ANGPTL2: variants seen among roughly 807,000 people sequenced by gnomAD.
ANGPTL2 encodes angiopoietin like 2.
Under a neutral mutation model 52.8 loss-of-function variants are expected in ANGPTL2, and 25 were observed. The observed-to-expected ratio is 0.47, with a 90% CI of 0.35 to 0.66. The LOEUF is 0.66. Among genes scored for constraint, ANGPTL2 ranks in the 30% least tolerant of loss-of-function variants. The pLI, the probability that ANGPTL2 is intolerant of heterozygous loss-of-function variation, is 0.01. For synonymous variants in ANGPTL2, 276 were observed against 277.4 expected (o/e 1.00, Z 0.05); for missense variants, 546 against 656.9 (o/e 0.83, Z 1.84).
intron 1 of ANGPTL2, among the ~76,000 whole-genome samples, chr9:127,113,774 C>G (rs1442756079): frequency 6.6e-6 from 1 of 152,232 alleles, no homozygotes; most frequent in Non-Finnish European, 1.5e-5. Context: ...GGGAGGCAGC[C>G]TCTCCAGGGC....
chr9:127,097,353 T>C (rs935760299), intron 2 of ANGPTL2, among the ~76,000 whole-genome samples: 1 of 152,282 alleles, frequency 6.6e-6, no homozygotes, highest in Admixed American at 6.5e-5. Context: ...AAATGTTTAG[T>C]ATTTTCTGCT....
intron 2 of ANGPTL2, among the ~76,000 whole-genome samples, chr9:127,100,453 C>T (rs948318793): frequency 2.6e-5 from 4 of 152,188 alleles, no homozygotes; most frequent in Admixed American, 2.0e-4. Flanking sequence ...TAGGTTTCCA[C>T]CAGCGCTGTT....
chr9:127,088,820 G>T lies in ANGPTL2; in HGVS notation c.*119C>A. 2 of 1,181,794 alleles carry T rather than the reference G, an allele frequency of 1.7e-6. No individual in the cohort carries two copies. The highest frequency in any genetic ancestry group is 1.4e-5 in the South Asian group (1 of 70,994). The allele number at this position is 1,181,794 out of a possible 1,614,324, so 73.2% of individuals were successfully genotyped here. A position where few individuals can be genotyped will look rare whatever the true frequency, so the allele number is the denominator to read the frequency against. On this transcript the variant is annotated 3_prime_UTR_variant, in exon 5 of 5. Coordinates refer to ENST00000373425, the MANE Select transcript of ANGPTL2 (RefSeq NM_012098.3). ...CAGTGACTTCGGAAAACAGAATCCA[G>T]CATCCCGGTCCTCCCAGCCTCAGGA...
At chr9:127,092,966 A>G (rs546539024) in intron 3 of ANGPTL2, among the ~76,000 whole-genome samples, 2 of 152,138 alleles carry the variant, frequency 1.3e-5, no homozygotes, top group Non-Finnish European at 2.9e-5. Flanking sequence ...TACTGGGCCA[A>G]TTCCTGGCTT....
At chr9:127,101,383 G>C (rs921538524) in intron 2 of ANGPTL2, among the ~76,000 whole-genome samples, 3 of 152,188 alleles carry the variant, frequency 2.0e-5, no homozygotes, top group South Asian at 4.1e-4. Flanking sequence ...TTGGGGATCT[G>C]TGTCCCCATA....
intron 2 of ANGPTL2, among the ~76,000 whole-genome samples, chr9:127,097,532 C>G (rs531456410): frequency 1.3e-5 from 2 of 152,314 alleles, no homozygotes; most frequent in East Asian, 3.9e-4. Flanking sequence ...ACATTAAAGG[C>G]ACCAGTGGCA....
At chr9:127,100,819 T>G (rs1330228682) in intron 2 of ANGPTL2, among the ~76,000 whole-genome samples, 1 of 152,262 alleles carries the variant, frequency 6.6e-6, no homozygotes, top group Non-Finnish European at 1.5e-5. Flanking sequence ...AGGGATCAGC[T>G]TCATTGGTTT....
At chr9:127,112,858 T>C (rs2054986079) in intron 1 of ANGPTL2, among the ~76,000 whole-genome samples, 1 of 152,252 alleles carries the variant, frequency 6.6e-6, no homozygotes, top group African/African-American at 2.4e-5. Context: ...CACAGGGCTT[T>C]AGGGCTTCCA....
chr9:127,089,379 A>G (rs2052171703), intron 4 of ANGPTL2, among the ~76,000 whole-genome samples: 1 of 152,182 alleles, frequency 6.6e-6, no homozygotes, highest in Non-Finnish European at 1.5e-5. Flanking sequence ...CAGCCACTGT[A>G]TCCTCATCTG....
intron 2 of ANGPTL2, among the ~76,000 whole-genome samples, chr9:127,103,971 T>C (rs2053983402): frequency 6.6e-6 from 1 of 152,210 alleles, no homozygotes; most frequent in African/African-American, 2.4e-5. Flanking sequence ...TACCCTTGGC[T>C]AAGTTACTTG....
At chr9:127,098,488 C>T (rs778194756) in intron 2 of ANGPTL2, among the ~76,000 whole-genome samples, 1 of 152,098 alleles carries the variant, frequency 6.6e-6, no homozygotes, top group Admixed American at 6.5e-5. Flanking sequence ...GTGGCTGAGC[C>T]GAGTCTGTGT....
chr9:127,098,022 C>T (rs1428326595), intron 2 of ANGPTL2, among the ~76,000 whole-genome samples: 2 of 152,194 alleles, frequency 1.3e-5, no homozygotes, highest in Non-Finnish European at 2.9e-5. Flanking sequence ...CTTTCTGTTT[C>T]CTTTGATAGA....
chr9:127,120,266 C>A (rs1224648444), intron 1 of ANGPTL2, among the ~76,000 whole-genome samples: 1 of 152,192 alleles, frequency 6.6e-6, no homozygotes, highest in Non-Finnish European at 1.5e-5. Flanking sequence ...AGGCAGTGCC[C>A]ATGTGGGAAG....
At chr9:127,113,525 A>G (rs76291797) in intron 1 of ANGPTL2, among the ~76,000 whole-genome samples, 2,001 of 96,344 alleles carry the variant, frequency 0.021, 59 homozygotes, top group African/African-American at 0.077. Context: ...CCGGCATTCC[A>G]GCCATCTTAG....
chr9:127,109,142 G>A (rs558484360), intron 1 of ANGPTL2, among the ~76,000 whole-genome samples: 40 of 152,236 alleles, frequency 2.6e-4, no homozygotes, highest in Non-Finnish European at 5.1e-4. Context: ...GAGGCAGAGG[G>A]AGGGTTTTCT....
At chr9:127,095,943 G>T (rs1052968510) in intron 2 of ANGPTL2, among the ~76,000 whole-genome samples, 17 of 152,118 alleles carry the variant, frequency 1.1e-4, no homozygotes, top group African/African-American at 4.1e-4. Context: ...GTATTGCCCC[G>T]ATAAGAAAGA....
chr9:127,107,870 C>T (rs1410174430), intron 2 of ANGPTL2, 45 bp downstream of exon 2: 1 of 1,502,714 alleles, frequency 6.7e-7, no homozygotes, highest in South Asian at 1.3e-5. Flanking sequence ...AAGCCTGGTG[C>T]CTGGCTCTGA....
In ANGPTL2 at chr9:127,108,354, C is replaced by G; in HGVS notation, c.378G>C (p.Glu126Asp). ...TGACCCGCGAGTTCATGTTGCGGCT[C>G]TCCTTGCGCAGCAGCTTCACCTCGC... ...IVSEVKLLRK[E>D]SRNMNSRVTQ... is the part of the protein sequence containing the mutation. Residue 126 changes from glutamate to aspartate, a missense_variant, in exon 2 of 5, where the codon GAG becomes GAC. Around this residue, in one of 2 missense-constraint regions of ANGPTL2, gnomAD observed 285 missense variants for 295.8 expected, o/e 0.96. Transcript: ENST00000373425. The G allele has an allele frequency of 6.2e-7, 1 of 1,612,068 alleles. No homozygotes were observed. The highest frequency in any genetic ancestry group is 8.5e-7 in the Non-Finnish European group (1 of 1,178,914).
At position 127,088,534 on chromosome 9, in the gene ANGPTL2, A is replaced by G. The variant is rs1325167662; in HGVS notation, c.*405T>C. 1 of 207,806 alleles carries G rather than the reference A, an allele frequency of 4.8e-6. No homozygotes were observed. The highest frequency in any genetic ancestry group is 5.3e-5 in the Admixed American group (1 of 18,954). 12.9% of individuals were successfully genotyped at this position (207,806 alleles called of 1,614,324 possible). A position where few individuals can be genotyped will look rare whatever the true frequency, so the allele number is the denominator to read the frequency against. On this transcript the variant is annotated 3_prime_UTR_variant, in exon 5 of 5. Transcript: ENST00000373425. ...ATTTAGGTATCTAAGGCAAACCTAT[A>G]TATGGATCTAGATATATCACATGTG...
Sources: allele counts gnomAD v4.1 joint callset (sites outside exome capture counted in the v4.1 genomes callset), GRCh38; gene constraint gnomAD v4.1.1; regional missense constraint gnomAD v4.1.1; transcripts MANE v1.5; gene names NCBI Gene and HGNC (gene_info 2026-07-23, HGNC 2026-07-21).